RSU1: variants seen among roughly 807,000 people sequenced by gnomAD.
RSU1 encodes the protein rsu-1.
In RSU1, 26 loss-of-function variants were observed where a neutral mutation model predicts 31.1. The observed-to-expected ratio is 0.84, with a 90% CI of 0.61 to 1.16. The LOEUF (loss-of-function observed/expected upper bound fraction) is 1.16. Ranked by LOEUF, RSU1 falls within the 50% of genes most tolerant of loss-of-function variation. RSU1 has a pLI of 0.00. For synonymous variants in RSU1, 164 were observed against 136.3 expected (o/e 1.20, Z -1.41); for missense variants, 320 against 339.1 (o/e 0.94, Z 0.44).
intron 8 of RSU1, among the ~76,000 whole-genome samples, chr10:16,663,132 C>A (rs1834918345): frequency 6.6e-6 from 1 of 152,168 alleles, no homozygotes; most frequent in Non-Finnish European, 1.5e-5. Context: ...CTTTAAATAT[C>A]TTCCAACCAG....
intron 2 of RSU1, among the ~76,000 whole-genome samples, chr10:16,784,396 CTGAG>C (rs1215304658): frequency 6.6e-6 from 1 of 152,102 alleles, no homozygotes; most frequent in Non-Finnish European, 1.5e-5. Context: ...ACACCTGAGA[CTGAG>C]TAATTTATAA....
intron 2 of RSU1, among the ~76,000 whole-genome samples, chr10:16,782,916 T>A (rs1178684988): frequency 6.7e-6 from 1 of 149,930 alleles, no homozygotes; most frequent in Non-Finnish European, 1.5e-5. Context: ...TTTTCCTATT[T>A]TTTTTTTTTT....
At chr10:16,768,834 C>A (rs574961724) in intron 3 of RSU1, among the ~76,000 whole-genome samples, 1 of 152,328 alleles carries the variant, frequency 6.6e-6, no homozygotes, top group East Asian at 1.9e-4. Context: ...ACAAGCAGCC[C>A]AAAGTGCCTG....
intron 5 of RSU1, among the ~76,000 whole-genome samples, chr10:16,753,288 G>T (rs1837016652): frequency 6.6e-6 from 1 of 152,190 alleles, no homozygotes; most frequent in Non-Finnish European, 1.5e-5. Flanking sequence ...AGAAAAGATT[G>T]CTATACTTCT....
chr10:16,621,924 C>T (rs369157366), intron 8 of RSU1, among the ~76,000 whole-genome samples: 2 of 152,242 alleles, frequency 1.3e-5, no homozygotes, highest in East Asian at 3.9e-4. Flanking sequence ...ATTTAGAATA[C>T]TGCTATAGTT....
chr10:16,730,439 A>G (rs1037320987), intron 7 of RSU1, among the ~76,000 whole-genome samples: 2 of 152,176 alleles, frequency 1.3e-5, no homozygotes, highest in African/African-American at 4.8e-5. Context: ...GCCACCCGGA[A>G]GAGAAGTGCA....
chr10:16,650,974 C>A (rs1459781603), intron 8 of RSU1, among the ~76,000 whole-genome samples: 1 of 152,072 alleles, frequency 6.6e-6, no homozygotes, highest in Non-Finnish European at 1.5e-5. Flanking sequence ...AACGGATGCA[C>A]ACAATTTACG....
intron 3 of RSU1, among the ~76,000 whole-genome samples, chr10:16,774,236 TA>T (rs1837483806): frequency 1.3e-5 from 2 of 152,196 alleles, no homozygotes; most frequent in Admixed American, 1.3e-4. Flanking sequence ...CAATATTTTT[TA>T]AAAAGTCATC....
chr10:16,699,269 T>C (rs1564322350), intron 7 of RSU1, among the ~76,000 whole-genome samples: 1 of 152,174 alleles, frequency 6.6e-6, no homozygotes, highest in South Asian at 2.1e-4. Flanking sequence ...ACAATACCTG[T>C]TTCTGTAGCG....
At chr10:16,781,692 G>A (rs1837653944) in intron 3 of RSU1, among the ~76,000 whole-genome samples, 1 of 152,078 alleles carries the variant, frequency 6.6e-6, no homozygotes, top group East Asian at 1.9e-4. Flanking sequence ...AACATGATAA[G>A]AAAGAATCTT....
intron 7 of RSU1, among the ~76,000 whole-genome samples, chr10:16,727,904 C>T (rs1437101474): frequency 4.6e-5 from 7 of 152,180 alleles, no homozygotes; most frequent in Non-Finnish European, 8.8e-5. Context: ...GGAGAACACA[C>T]GGATGAAGAT....
At chr10:16,705,956 C>T (rs938404337) in intron 7 of RSU1, among the ~76,000 whole-genome samples, 1 of 152,154 alleles carries the variant, frequency 6.6e-6, no homozygotes, top group African/African-American at 2.4e-5. Flanking sequence ...TGTTTTTGAT[C>T]TGTGGTTGGT....
chr10:16,722,965 CAT>C (rs571149162), intron 7 of RSU1: 1 of 148,958 alleles, frequency 6.7e-6, no homozygotes, highest in African/African-American at 2.5e-5. Flanking sequence ...CACACATATA[CAT>C]ATATGTATAT....
In RSU1 at chr10:16,726,845, A is replaced by G. The variant is rs1330165679; in HGVS notation, c.598+25694T>C. 2.6e-5 allele frequency among the ~76,000 whole-genome samples: 4 copies of G among 152,200 alleles called. No individual in the cohort carries two copies. In the South Asian group the frequency reaches 8.3e-4, roughly 32 times the overall value. ...AAAAAAATGGACCTCTTTATTTACT[A>G]TCTGTAGGCATTGGATGAAGCGAGC... On this transcript the variant is annotated intron_variant, in intron 7 of 8. Coordinates refer to ENST00000345264, the MANE Select transcript of RSU1 (RefSeq NM_012425.4).
chr10:16,747,316 G>A (rs1413009384), intron 7 of RSU1, among the ~76,000 whole-genome samples: 1 of 152,078 alleles, frequency 6.6e-6, no homozygotes, highest in Non-Finnish European at 1.5e-5. Context: ...CAGCCTAGAC[G>A]TCTCTTCTGG....
chr10:16,697,118 A>G (rs1034202485), intron 7 of RSU1, among the ~76,000 whole-genome samples: 2 of 152,114 alleles, frequency 1.3e-5, no homozygotes, highest in African/African-American at 4.8e-5. Flanking sequence ...TATGTTGCCC[A>G]TTGTGCACAG....
intron 7 of RSU1, among the ~76,000 whole-genome samples, chr10:16,696,372 G>C (rs905669444): frequency 1.3e-5 from 2 of 152,078 alleles, no homozygotes; most frequent in African/African-American, 4.8e-5. Context: ...GAAATGAAAG[G>C]ATAAATGAAT....
chr10:16,653,589 G>A (rs542896606), intron 8 of RSU1, among the ~76,000 whole-genome samples: 4 of 152,076 alleles, frequency 2.6e-5, no homozygotes, highest in Admixed American at 2.0e-4. Flanking sequence ...TCTGCAACAA[G>A]TAATACTTGT....
intron 7 of RSU1, among the ~76,000 whole-genome samples, chr10:16,737,954 A>T (rs551995365): frequency 1.3e-5 from 2 of 152,240 alleles, no homozygotes; most frequent in African/African-American, 4.8e-5. Flanking sequence ...TGATCAGGAC[A>T]TAATTTAAAT....
Sources: gnomAD v4.1 joint callset for allele counts (sites outside exome capture counted in the v4.1 genomes callset) on GRCh38, gnomAD v4.1.1 for gene constraint, MANE v1.5 for transcripts, NCBI Gene and HGNC (gene_info 2026-07-23, HGNC 2026-07-21) for gene names.